ABHD5: variants seen among roughly 807,000 people sequenced by gnomAD.
ABHD5 encodes abhydrolase domain containing 5, lysophosphatidic acid acyltransferase.
ABHD5 carries 30 observed loss-of-function variants against 44.9 expected under a neutral mutation model. That is an observed-to-expected ratio of 0.67 (90% confidence interval 0.50 to 0.91). The LOEUF (loss-of-function observed/expected upper bound fraction) is 0.91, where lower values mean the gene tolerates loss of function less well. Among genes scored for constraint, ABHD5 ranks in the 40% least tolerant of loss-of-function variants. ABHD5 has a pLI of 0.00. For synonymous variants in ABHD5, 167 were observed against 147.0 expected (o/e 1.14, Z -0.99); for missense variants, 399 against 423.4 (o/e 0.94, Z 0.50).
At chr3:43,694,970 ACCT>A (rs1441735619) in intron 1 of ABHD5, 1 of 152,804 alleles carries the variant, frequency 6.5e-6, no homozygotes, top group Non-Finnish European at 1.5e-5. Context: ...TGCAGCCTCA[ACCT>A]CCTGGGCTCA....
chr3:43,714,433 G>A (rs1009441991), intron 4 of ABHD5, among the ~76,000 whole-genome samples: 1 of 152,038 alleles, frequency 6.6e-6, no homozygotes, highest in African/African-American at 2.4e-5. Flanking sequence ...ACGCCTGGGT[G>A]TCCTCGGCTT....
intron 1 of ABHD5, 127 bp downstream of exon 1, chr3:43,691,166 C>T (rs1021030388): frequency 7.9e-5 from 75 of 955,358 alleles, no homozygotes; most frequent in Non-Finnish European, 1.0e-4. Flanking sequence ...GCTTCCTCGA[C>T]CCTCCCCGGC....
At position 43,728,081 on chromosome 3, in the gene ABHD5, G is replaced by A. The variant is rs1045195698; in HGVS notation, c.*30-5799G>A. On this transcript the variant is annotated intron_variant, in intron 7 of 7. Transcript: ENST00000454293. ...CTCACCGGCCTTGCTCTGCCCACCA[G>A]TGGCTCCAGAGCTTGCAACATTTTG... Among the ~76,000 whole-genome samples, 8 of 152,244 alleles carry A rather than the reference G, an allele frequency of 5.3e-5. No individual in the cohort carries two copies. In the South Asian group the frequency reaches 1.4e-3, roughly 28 times the overall value.
rs886058507 is a variant in ABHD5, at chr3:43,722,203, A to G, written c.*3671A>G. Reference sequence around the variant, plus strand: ...CCAAATCTCCATTGATAGGGAATTGATGGAAGGAACTAGGGTATATCTATA... The same window carrying G: ...CCAAATCTCCATTGATAGGGAATTGGTGGAAGGAACTAGGGTATATCTATA... On this transcript the variant is annotated 3_prime_UTR_variant, in exon 7 of 7. Transcript: ENST00000644371. 2 of 152,242 alleles carry G rather than the reference A, an allele frequency of 1.3e-5. No homozygotes were observed. The highest frequency in any genetic ancestry group is 2.9e-5 in the Non-Finnish European group (2 of 68,046). The allele number at this position is 152,242 out of a possible 1,614,324, so 9.4% of individuals were successfully genotyped here.
chr3:43,711,719 C>A lies in ABHD5; in HGVS notation c.517C>A (p.Leu173Ile). 6.2e-7 allele frequency: 1 copy of A among 1,614,122 alleles called. No homozygotes were observed. The highest frequency in any genetic ancestry group is 8.5e-7 in the Non-Finnish European group (1 of 1,180,006). The change falls in exon 4 of 7, where the codon CTC (leucine) becomes ATC (isoleucine). Residue 173 changes from leucine (L) to isoleucine (I), a missense_variant. By Grantham distance (5) the Leu-to-Ile change is conservative. Transcript: ENST00000644371. ...TCTTTCCCCCAACAGGGTTAATCAT[C>A]TCATTTTAGTGGAGCCTTGGGGTTT... ...SLKYPSRVNH[L>I]ILVEPWGFPE... is the part of the protein sequence containing the mutation.
chr3:43,691,182 T>G (rs1575596170), intron 1 of ABHD5, 143 bp downstream of exon 1: 3 of 796,300 alleles, frequency 3.8e-6, no homozygotes, highest in Non-Finnish European at 5.2e-6. Context: ...CCGGCATGAG[T>G]CCGCGCGGCG....
At chr3:43,709,973 G>A (rs35668169) in intron 3 of ABHD5, among the ~76,000 whole-genome samples, 4,279 of 152,248 alleles carry the variant, frequency 0.028, 117 homozygotes, top group South Asian at 0.12. Context: ...AACCTGGGAG[G>A]CGGAGGTTGA....
chr3:43,703,879 A>G (rs1023001129), intron 3 of ABHD5, among the ~76,000 whole-genome samples: 1 of 152,024 alleles, frequency 6.6e-6, no homozygotes, highest in African/African-American at 2.4e-5. Flanking sequence ...TAGACTCTTT[A>G]TCTAAACTTT....
chr3:43,713,405 G>T (rs1010038136), intron 4 of ABHD5, among the ~76,000 whole-genome samples: 12 of 152,060 alleles, frequency 7.9e-5, no homozygotes, highest in African/African-American at 2.9e-4. Context: ...AGGCATGGGG[G>T]TGTGGAGGAG....
chr3:43,704,072 C>G (rs560473557), intron 3 of ABHD5, among the ~76,000 whole-genome samples: 1 of 132,706 alleles, frequency 7.5e-6, no homozygotes, highest in Non-Finnish European at 1.5e-5. Flanking sequence ...GAGTCTCACT[C>G]GGTCGCCCAG....
intron 2 of ABHD5, among the ~76,000 whole-genome samples, chr3:43,701,414 A>T (rs1444297039): frequency 6.6e-6 from 1 of 152,256 alleles, no homozygotes; most frequent in African/African-American, 2.4e-5. Context: ...GTATATGAAT[A>T]TGCATAAATA....
At chr3:43,733,605 C>T (rs1697282175) in intron 7 of ABHD5, among the ~76,000 whole-genome samples, 1 of 152,214 alleles carries the variant, frequency 6.6e-6, no homozygotes, top group Non-Finnish European at 1.5e-5. Context: ...CCTTTCACAT[C>T]TGGATTGTTG....
intron 1 of ABHD5, 126 bp downstream of exon 1, chr3:43,691,165 A>C: frequency 1.0e-6 from 1 of 961,470 alleles, no homozygotes; most frequent in Non-Finnish European, 1.4e-6. Context: ...GGCTTCCTCG[A>C]CCCTCCCCGG....
In ABHD5 at chr3:43,721,235, A is replaced by G. The variant is rs1023713382; in HGVS notation, c.*2703A>G. 4 of 152,124 alleles carry G rather than the reference A, an allele frequency of 2.6e-5. No homozygotes were observed. The highest frequency in any genetic ancestry group is 1.9e-4 in the East Asian group (1 of 5,202). The allele number at this position is 152,124 out of a possible 1,614,324, so 9.4% of individuals were successfully genotyped here. A position where few individuals can be genotyped will look rare whatever the true frequency, so the allele number is the denominator to read the frequency against. ...GGTGTTGAGAGAAGTGTGGTTAACC[A>G]TTTGGAAAAAAAAATAAAATTGAAT... On this transcript the variant is annotated 3_prime_UTR_variant, in exon 7 of 7. Coordinates refer to ENST00000644371, the MANE Select transcript of ABHD5 (RefSeq NM_016006.6).
intron 1 of ABHD5, among the ~76,000 whole-genome samples, chr3:43,692,894 G>C (rs1309217664): frequency 1.3e-5 from 2 of 152,152 alleles, no homozygotes; most frequent in Non-Finnish European, 2.9e-5. Flanking sequence ...GACATTTGAG[G>C]TTTAGATAGG....
chr3:43,711,204 C>T (rs908555323), intron 3 of ABHD5, among the ~76,000 whole-genome samples: 10 of 152,250 alleles, frequency 6.6e-5, no homozygotes, highest in Middle Eastern at 3.4e-3. Context: ...CTTTTGAACC[C>T]GCTTTAAGTC....
At chr3:43,715,674 G>A (rs145380190) in intron 5 of ABHD5, among the ~76,000 whole-genome samples, 36 of 152,202 alleles carry the variant, frequency 2.4e-4, no homozygotes, top group African/African-American at 7.2e-4. Context: ...GAAAGTCTTG[G>A]TCTTGGGCAT....
chr3:43,708,214 G>A (rs1368812954), intron 3 of ABHD5, among the ~76,000 whole-genome samples: 1 of 152,156 alleles, frequency 6.6e-6, no homozygotes. Flanking sequence ...TTTTCTTGTG[G>A]TTTAAACCAG....
In ABHD5 at chr3:43,717,699, A is replaced by T; in HGVS notation, c.802A>T (p.Ile268Phe). The T allele has an allele frequency of 1.2e-6, 2 of 1,614,196 alleles. No homozygotes were observed. Among genetic ancestry groups the T allele is most frequent in the South Asian group, 2.2e-5 (2 of 91,084 alleles). The change falls in exon 6 of 7, where the codon ATT becomes TTT. Residue 268 changes from isoleucine (I) to phenylalanine (F), a missense_variant. Ile to Phe is a conservative substitution (Grantham distance 21, BLOSUM62 0). Coordinates refer to ENST00000644371, the MANE Select transcript of ABHD5 (RefSeq NM_016006.6). ...SGETAFKNMT[I>F]PYGWAKRPML... The stretch of plus-strand genomic sequence containing the variant: ...TGAGACAGCTTTCAAGAATATGACT[A>T]TTCCTTATGGATGGGCAAAAAGGCC...
Sources: allele counts gnomAD v4.1 joint callset (sites outside exome capture counted in the v4.1 genomes callset), GRCh38; gene constraint gnomAD v4.1.1; transcripts MANE v1.5; gene names NCBI Gene and HGNC (gene_info 2026-07-23, HGNC 2026-07-21).